The following PCNX1 variants were observed in gnomAD, a reference collection of about 807,000 sequenced individuals.
PCNX1 encodes pecanex 1.
In PCNX1, 78 loss-of-function variants were observed where a neutral mutation model predicts 242.2. That is an observed-to-expected ratio of 0.32 (90% CI 0.27 to 0.39). The LOEUF is 0.39. PCNX1 is among the 10% of genes least tolerant of loss of function. The pLI is 1.00. For missense variants in PCNX1, 2,581 were observed against 2,856.5 expected, an observed-to-expected ratio of 0.90 and a Z score of 2.20; for synonymous variants, 1,024 against 1,032.9, an observed-to-expected ratio of 0.99 and a Z score of 0.17.
Position 71,033,549 on chromosome 14 carries a change from T to G in PCNX1, c.3668+11T>G. On this transcript the variant is annotated intron_variant, in intron 17 of 35. Transcript: ENST00000304743. ...TCCATCTGTACTTTTGTAAGTGAAC[T>G]CAATTGTTATTGAATTAAAAGAAAT... 1.5e-6 allele frequency: 2 copies of G among 1,337,878 alleles called. No homozygotes were observed. The allele number at this position is 1,337,878 out of a possible 1,614,324, so 82.9% of individuals were successfully genotyped here. A position where few individuals can be genotyped will look rare whatever the true frequency, so the allele number is the denominator to read the frequency against.
chr14:71,033,995 G>C lies in PCNX1; in HGVS notation c.3733G>C (p.Glu1245Gln). ...EEKNPEDPLS[E>Q]VKDPLPEKLR... ...GAAAAATCCAGAAGACCCTCTATCT[G>C]AAGTAAAAGATCCACTGCCTGAAAA... The change falls in exon 18 of 36, where the codon GAA becomes CAA. Residue 1245 changes from glutamate (E) to glutamine (Q), a missense_variant. This residue lies in a region of PCNX1 where 432 missense variants were observed against 443.1 expected (regional missense o/e 0.97). Transcript: ENST00000304743. 1 of 1,608,756 alleles carries C rather than the reference G, an allele frequency of 6.2e-7. No homozygotes were observed. The highest frequency in any genetic ancestry group is 8.5e-7 in the Non-Finnish European group (1 of 1,176,722).
Position 71,103,672 on chromosome 14 carries a change from G to A in PCNX1, c.6095+3G>A. On this transcript the variant is annotated splice_donor_region_variant and intron_variant, in intron 32 of 35. Transcript: ENST00000304743. ...TTCATAGTGTCAACCTGGCACAGGTGAGCCAAGGGATTGTATTATTCAGTG... is the reference window on the plus strand; with the variant it reads ...TTCATAGTGTCAACCTGGCACAGGTAAGCCAAGGGATTGTATTATTCAGTG... 6.2e-7 allele frequency: 1 copy of A among 1,613,602 alleles called. No individual in the cohort carries two copies. The highest frequency in any genetic ancestry group is 1.1e-5 in the South Asian group (1 of 91,024).
intron 16 of PCNX1, 131 bp from the exon 17 acceptor site, chr14:71,033,298 A>G (rs2060441551): frequency 3.6e-6 from 2 of 556,268 alleles, no homozygotes; most frequent in Non-Finnish European, 6.4e-6. Flanking sequence ...ATAAAATGCA[A>G]TTAATAACGT....
Position 70,978,144 on chromosome 14 carries a change from A to G in PCNX1, c.1807A>G (p.Ser603Gly). Reference protein sequence around the residue: ...SAIFCHDEDSSDQSDLSRASS... With the variant: ...SAIFCHDEDSGDQSDLSRASS... ...TATATTTTGTCATGACGAAGACTCT[A>G]GTGATCAGAGTGACTTGAGTAGAGC... Residue 603 changes from serine (S) to glycine (G), a missense_variant, in exon 6 of 36, where the codon AGT (serine) becomes GGT (glycine). Coordinates refer to ENST00000304743, the MANE Select transcript of PCNX1 (RefSeq NM_014982.3). The G allele has an allele frequency of 1.2e-6, 2 of 1,614,158 alleles. No homozygotes were observed. Among genetic ancestry groups the G allele is most frequent in the Non-Finnish European group, 1.7e-6 (2 of 1,180,032 alleles).
chr14:71,081,671 C>A (rs965556306), intron 28 of PCNX1, among the ~76,000 whole-genome samples: 1 of 152,164 alleles, frequency 6.6e-6, no homozygotes, highest in African/African-American at 2.4e-5. Context: ...TTATAGTATT[C>A]TCTGATGGTA....
chr14:70,909,815 C>T (rs541534857), intron 1 of PCNX1, among the ~76,000 whole-genome samples: 1 of 152,196 alleles, frequency 6.6e-6, no homozygotes, highest in South Asian at 2.1e-4. Context: ...CAATTAATGG[C>T]AGTCCCACTC....
At position 71,112,024 on chromosome 14, in the gene PCNX1, G is replaced by A. The variant is rs221927; in HGVS notation, c.*2089G>A. The A allele has an allele frequency of 0.63, 96,444 of 152,302 alleles. 30,795 individuals are homozygous for A. Among genetic ancestry groups the A allele is most frequent in the South Asian group, 0.72 (3,489 of 4,822 alleles). 9.4% of individuals were successfully genotyped at this position (152,302 alleles called of 1,614,324 possible). A position where few individuals can be genotyped will look rare whatever the true frequency, so the allele number is the denominator to read the frequency against. On this transcript the variant is annotated 3_prime_UTR_variant, in exon 36 of 36. Coordinates refer to ENST00000304743, the MANE Select transcript of PCNX1 (RefSeq NM_014982.3). The stretch of plus-strand genomic sequence containing the variant: ...ATTTATAATCTATTTCTCTGTATAC[G>A]TATATTTTTAAAATCTTCTGAAAGG...
At chr14:70,985,186 C>T (rs2058963427) in intron 6 of PCNX1, among the ~76,000 whole-genome samples, 2 of 151,988 alleles carry the variant, frequency 1.3e-5, no homozygotes, top group South Asian at 4.2e-4. Context: ...CTGAAGGGTC[C>T]TCTTATTTTT....
chr14:70,929,498 T>A (rs2056712185), intron 1 of PCNX1, among the ~76,000 whole-genome samples: 1 of 152,240 alleles, frequency 6.6e-6, no homozygotes, highest in African/African-American at 2.4e-5. Context: ...AACAGTTTTT[T>A]AAAATTTAGC....
intron 11 of PCNX1, among the ~76,000 whole-genome samples, chr14:71,017,578 G>A (rs1340504734): frequency 6.6e-6 from 1 of 152,138 alleles, no homozygotes; most frequent in Admixed American, 6.5e-5. Context: ...AAAGTTTTAT[G>A]AACTTGGATT....
chr14:70,943,344 G>A (rs1470589832), intron 1 of PCNX1, among the ~76,000 whole-genome samples: 1 of 152,182 alleles, frequency 6.6e-6, no homozygotes, highest in African/African-American at 2.4e-5. Flanking sequence ...TAGTGATATG[G>A]ACAATGAAGT....
At chr14:71,008,979 C>T (rs977154844) in intron 8 of PCNX1, among the ~76,000 whole-genome samples, 1 of 152,104 alleles carries the variant, frequency 6.6e-6, no homozygotes, top group Non-Finnish European at 1.5e-5. Flanking sequence ...TATTCATTTG[C>T]AACATTTGCA....
At chr14:71,100,011 T>C (rs1595504480) in intron 30 of PCNX1, among the ~76,000 whole-genome samples, 1 of 152,196 alleles carries the variant, frequency 6.6e-6, no homozygotes, top group Non-Finnish European at 1.5e-5. Context: ...TCTTTTTTTT[T>C]TAATCTACCT....
At chr14:71,095,956 G>A (rs185495796) in intron 30 of PCNX1, among the ~76,000 whole-genome samples, 130 of 151,764 alleles carry the variant, frequency 8.6e-4, no homozygotes, top group Admixed American at 4.9e-3. Flanking sequence ...CAGGAGGATC[G>A]CTTGAGCTCA....
In PCNX1 at chr14:71,076,192, A is replaced by G. The variant is rs1437938975; in HGVS notation, c.5110A>G (p.Ile1704Val). ...TTTTTTGTCTTGTTCATGTTAGGGTATCATTTATTATGTTACGACCTCGTC... is the reference window on the plus strand; with the variant it reads ...TTTTTTGTCTTGTTCATGTTAGGGTGTCATTTATTATGTTACGACCTCGTC... ...KVLTTYYVKG[I>V]IYYVTTSSKL... The change falls in exon 28 of 36, where the codon ATC (isoleucine) becomes GTC (valine). Residue 1704 changes from isoleucine to valine, a missense_variant. Physicochemically the swap from Ile to Val is conservative, Grantham distance 29 (BLOSUM62 3). Coordinates refer to ENST00000304743, the MANE Select transcript of PCNX1 (RefSeq NM_014982.3). The G allele has an allele frequency of 2.5e-6, 4 of 1,577,506 alleles. No individual in the cohort carries two copies. Among genetic ancestry groups the G allele is most frequent in the Non-Finnish European group, 2.6e-6 (3 of 1,147,316 alleles).
At chr14:71,067,701 G>T (rs1051064852) in intron 26 of PCNX1, among the ~76,000 whole-genome samples, 44 of 152,182 alleles carry the variant, frequency 2.9e-4, no homozygotes, top group African/African-American at 9.4e-4. Flanking sequence ...TGATGTTAGG[G>T]TGTTGATTTT....
At chr14:71,068,622 G>GTGTGTA (rs1566770610) in intron 26 of PCNX1, among the ~76,000 whole-genome samples, 2 of 143,392 alleles carry the variant, frequency 1.4e-5, no homozygotes, top group Non-Finnish European at 3.0e-5. Flanking sequence ...GTGTGTGTGT[G>GTGTGTA]TATAAAAATA....
At position 71,019,076 on chromosome 14, in the gene PCNX1, A is replaced by G. The variant is rs759139848; in HGVS notation, c.3064A>G (p.Ile1022Val). 5.6e-6 allele frequency: 9 copies of G among 1,613,352 alleles called. No individual in the cohort carries two copies. The highest frequency in any genetic ancestry group is 3.3e-5 in the South Asian group (3 of 90,992). The change falls in exon 12 of 36, where the codon ATT becomes GTT. Residue 1022 changes from isoleucine to valine, a missense_variant. Around this residue, in one of 9 missense-constraint regions of PCNX1, gnomAD observed 55 missense variants for 49.8 expected, o/e 1.10. Transcript: ENST00000304743. ...TATTCTCGTGGCCTTTTTGGGATCTATTCTTCTCATACAAGGATTCTTCAG... is the reference window on the plus strand; with the variant it reads ...TATTCTCGTGGCCTTTTTGGGATCTGTTCTTCTCATACAAGGATTCTTCAG... ...LAILVAFLGS[I>V]LLIQGFFRDI...
intron 2 of PCNX1, 78 bp downstream of exon 2, chr14:70,947,201 T>A (rs754767433): frequency 9.2e-7 from 1 of 1,088,312 alleles, no homozygotes; most frequent in South Asian, 1.4e-5. Flanking sequence ...TATTATATTG[T>A]ACTTGTTTTC....
Sources: gnomAD v4.1 joint callset for allele counts (sites outside exome capture counted in the v4.1 genomes callset) on GRCh38, gnomAD v4.1.1 for gene constraint, gnomAD v4.1.1 regional missense constraint, MANE v1.5 for transcripts, NCBI Gene and HGNC (gene_info 2026-07-23, HGNC 2026-07-21) for gene names.